Variants in THSD7A observed in about 807,000 individuals in gnomAD.
THSD7A encodes thrombospondin type 1 domain containing 7A.
THSD7A carries 96 observed loss-of-function variants against 231.3 expected under a neutral mutation model. That is an observed-to-expected ratio of 0.41 (90% confidence interval 0.35 to 0.49). The LOEUF (loss-of-function observed/expected upper bound fraction) is 0.49, where lower values mean the gene tolerates loss of function less well. Among genes scored for constraint, THSD7A ranks in the 20% least tolerant of loss-of-function variants. The pLI is 0.05. For synonymous variants in THSD7A, 940 were observed against 743.3 expected, an observed-to-expected ratio of 1.26 and a Z score of -4.30; for missense variants, 2,290 against 2,070.2, an observed-to-expected ratio of 1.11 and a Z score of -2.06.
chr7:11,498,213 C>A (rs914424585), intron 6 of THSD7A, among the ~76,000 whole-genome samples: 1 of 152,160 alleles, frequency 6.6e-6, no homozygotes, highest in African/African-American at 2.4e-5. Flanking sequence ...TATGATAAGA[C>A]CCACTGGCTT....
chr7:11,454,913 G>C (rs1785256637), intron 11 of THSD7A, among the ~76,000 whole-genome samples: 1 of 151,910 alleles, frequency 6.6e-6, no homozygotes, highest in Admixed American at 6.6e-5. Flanking sequence ...TAAGATGATA[G>C]GAATTTTATT....
At chr7:11,473,228 T>A (rs1191240974) in intron 8 of THSD7A, among the ~76,000 whole-genome samples, 1 of 151,960 alleles carries the variant, frequency 6.6e-6, no homozygotes, top group Non-Finnish European at 1.5e-5. Context: ...TTCATATTTG[T>A]TTCCCTGGAG....
chr7:11,581,136 C>T (rs1040414549), intron 4 of THSD7A, among the ~76,000 whole-genome samples: 1 of 151,922 alleles, frequency 6.6e-6, no homozygotes. Flanking sequence ...CACATTTAAT[C>T]TTTGAAGCAA....
chr7:11,822,320 G>T (rs1784900164), intron 1 of THSD7A, among the ~76,000 whole-genome samples: 3 of 151,970 alleles, frequency 2.0e-5, no homozygotes, highest in South Asian at 4.1e-4. Context: ...GTGCCTAGCT[G>T]GTTTCACTTA....
At chr7:11,760,506 C>A (rs138212829) in intron 1 of THSD7A, among the ~76,000 whole-genome samples, 100 of 151,948 alleles carry the variant, frequency 6.6e-4, no homozygotes, top group African/African-American at 2.3e-3. Context: ...AAAGTAACAG[C>A]CAACAAATGT....
chr7:11,761,426 A>C (rs1704530558), intron 1 of THSD7A, among the ~76,000 whole-genome samples: 1 of 152,100 alleles, frequency 6.6e-6, no homozygotes, highest in African/African-American at 2.4e-5. Flanking sequence ...TTATTTCATA[A>C]AGATGTTTTC....
intron 1 of THSD7A, among the ~76,000 whole-genome samples, chr7:11,643,983 C>G (rs1451663853): frequency 6.7e-6 from 1 of 150,246 alleles, no homozygotes; most frequent in Non-Finnish European, 1.5e-5. Context: ...TGCTGTTCCT[C>G]CAAGTCTGAG....
chr7:11,699,568 T>C (rs902813184), intron 1 of THSD7A, among the ~76,000 whole-genome samples: 1 of 151,340 alleles, frequency 6.6e-6, no homozygotes, highest in Non-Finnish European at 1.5e-5. Context: ...ACAAGCATAA[T>C]GCAGAAATCA....
chr7:11,714,096 A>C (rs1781053581), intron 1 of THSD7A, among the ~76,000 whole-genome samples: 1 of 151,290 alleles, frequency 6.6e-6, no homozygotes, highest in Admixed American at 6.6e-5. Context: ...GGTCACAGTC[A>C]AAAAATGTTT....
At chr7:11,781,028 A>T (rs1783611446) in intron 1 of THSD7A, among the ~76,000 whole-genome samples, 2 of 136,742 alleles carry the variant, frequency 1.5e-5, no homozygotes, top group African/African-American at 5.5e-5. Context: ...AAAAAAAAAA[A>T]AAAAAAAAAA....
intron 1 of THSD7A, among the ~76,000 whole-genome samples, chr7:11,733,457 A>G (rs1351056128): frequency 6.6e-6 from 1 of 151,972 alleles, no homozygotes; most frequent in Non-Finnish European, 1.5e-5. Flanking sequence ...TTCAAAAATA[A>G]TGGAATTTCA....
intron 1 of THSD7A, among the ~76,000 whole-genome samples, chr7:11,699,268 G>T (rs1199947943): frequency 6.6e-6 from 1 of 151,178 alleles, no homozygotes; most frequent in African/African-American, 2.4e-5. Context: ...AAGAGAAAAT[G>T]AAGTATATAA....
rs1785000134 is a variant in THSD7A, at chr7:11,447,243, C to G, written c.2787G>C (p.Lys929Asn). 6.2e-7 allele frequency: 1 copy of G among 1,612,922 alleles called. No individual in the cohort carries two copies. Among genetic ancestry groups the G allele is most frequent in the Non-Finnish European group, 8.5e-7 (1 of 1,179,410 alleles). ...NGDCGAVRTRKRTLVGKSKKK... is the reference protein window; with the variant it reads ...NGDCGAVRTRNRTLVGKSKKK... ...AATTATTCTTACCAACAAGAGTGCG[C>G]TTTCTGGTCCTAACTGCACCACAGT... The change falls in exon 12 of 28, where the codon AAG becomes AAC. Residue 929 changes from lysine (K) to asparagine (N), a missense_variant. By Grantham distance (94) the Lys-to-Asn change is moderately conservative (BLOSUM62 0). Coordinates refer to ENST00000423059, the MANE Select transcript of THSD7A (RefSeq NM_015204.3).
chr7:11,375,991 C>T (rs1460919767), intron 27 of THSD7A, 113 bp from the exon 28 acceptor site: 2 of 872,700 alleles, frequency 2.3e-6, no homozygotes, highest in Non-Finnish European at 3.7e-6. Context: ...TGCCTCGTTG[C>T]CTGCGTTGCC....
At chr7:11,735,618 T>C (rs981432262) in intron 1 of THSD7A, among the ~76,000 whole-genome samples, 1 of 151,952 alleles carries the variant, frequency 6.6e-6, no homozygotes, top group Non-Finnish European at 1.5e-5. Flanking sequence ...TGATAAATAT[T>C]TTGGATAAAA....
At position 11,831,240 on chromosome 7, in the gene THSD7A, A is replaced by G. The variant is rs528681187; in HGVS notation, c.190+517T>C. Among the ~76,000 whole-genome samples the G allele has an allele frequency of 2.0e-5, 3 of 152,332 alleles. No individual in the cohort carries two copies. Among genetic ancestry groups the G allele is most frequent in the South Asian group, 4.1e-4 (2 of 4,830 alleles). ...TAATTGAGTTTTCAGTCTTTCCCTG[A>G]AGGCTCACTGGAGCCCCATTTGCCT... On this transcript the variant is annotated intron_variant, in intron 1 of 27. Coordinates refer to ENST00000423059, the MANE Select transcript of THSD7A (RefSeq NM_015204.3). This position sits in a 1 kb window ranked among gnomAD's most constrained non-coding sequence, Gnocchi z 5.0.
At chr7:11,806,369 T>C (rs958581996) in intron 1 of THSD7A, among the ~76,000 whole-genome samples, 1 of 152,104 alleles carries the variant, frequency 6.6e-6, no homozygotes, top group African/African-American at 2.4e-5. Flanking sequence ...ATGTACAAAA[T>C]AAAGAACTTT....
At chr7:11,557,279 ATC>A (rs763588209) in intron 4 of THSD7A, among the ~76,000 whole-genome samples, 3 of 151,896 alleles carry the variant, frequency 2.0e-5, no homozygotes, top group Non-Finnish European at 2.9e-5. Context: ...GAGTTTTTAT[ATC>A]TGTTATTGCA....
Position 11,462,027 on chromosome 7 carries a change from C to A in THSD7A, c.2485G>T (p.Ala829Ser). The A allele has an allele frequency of 6.2e-7, 1 of 1,613,610 alleles. No homozygotes were observed. The highest frequency in any genetic ancestry group is 8.5e-7 in the Non-Finnish European group (1 of 1,179,626). The change falls in exon 10 of 28, where the codon GCG becomes TCG. Residue 829 changes from alanine (A) to serine (S), a missense_variant. By Grantham distance (99) the Ala-to-Ser change is moderately conservative. Coordinates refer to ENST00000423059, the MANE Select transcript of THSD7A (RefSeq NM_015204.3). ...YEEKACEAPQ[A>S]CQSYRWKTHK... is the part of the protein sequence containing the mutation. ...TAACCCTACCTGTAGCTTTGGCACG[C>A]TTGAGGTGCCTCACAGGCCTTCTCT...
Sources: gnomAD v4.1 joint callset for allele counts (sites outside exome capture counted in the v4.1 genomes callset) on GRCh38, gnomAD v4.1.1 for gene constraint, Gnocchi (gnomAD v3.1) non-coding constraint, MANE v1.5 for transcripts, NCBI Gene and HGNC (gene_info 2026-07-23, HGNC 2026-07-21) for gene names.